Variants in SYNDIG1 observed in about 807,000 individuals in gnomAD.
The protein encoded by SYNDIG1 is synapse differentiation inducing 1.
SYNDIG1 carries 9 observed loss-of-function variants against 19.4 expected under a neutral mutation model. That is an observed-to-expected ratio of 0.46 (90% CI 0.28 to 0.81). SYNDIG1 has a LOEUF of 0.81. Ranked by LOEUF, SYNDIG1 falls within the 30% of genes least tolerant of loss-of-function variation. The pLI, the probability that SYNDIG1 is intolerant of heterozygous loss-of-function variation, is 0.12. For synonymous variants in SYNDIG1, 141 were observed against 145.9 expected (o/e 0.97, Z 0.24); for missense variants, 311 against 343.3 (o/e 0.91, Z 0.74).
rs150975484 is a variant in SYNDIG1 at position 24,627,150 on chromosome 20, G to C, written c.619-38196G>C. ...GGGAGAGGGAGAGGGAGAGGGAGAGGGAGAGCGAGAGCGAGAGCGAGAGCG... is the reference window on the plus strand; with the variant it reads ...GGGAGAGGGAGAGGGAGAGGGAGAGCGAGAGCGAGAGCGAGAGCGAGAGCG... On this transcript the variant is annotated intron_variant, in intron 3 of 3. Coordinates refer to ENST00000376862, the MANE Select transcript of SYNDIG1 (RefSeq NM_024893.3). 3.2e-3 allele frequency among the ~76,000 whole-genome samples: 431 copies of C among 136,490 alleles called. 2 individuals carry two copies. The highest frequency in any genetic ancestry group is 6.8e-3 in the Admixed American group (92 of 13,620). The allele number at this position is 136,490 out of a possible 152,430, so 89.5% of individuals were successfully genotyped here.
At chr20:24,580,000 G>T (rs977974666) in intron 2 of SYNDIG1, among the ~76,000 whole-genome samples, 2 of 152,212 alleles carry the variant, frequency 1.3e-5, no homozygotes, top group African/African-American at 2.4e-5. Context: ...AGGAAAACTG[G>T]GCTAGAACAG....
At chr20:24,508,218 A>ATTTTTTTTTTTTTTTTTTTT (rs34436263) in intron 1 of SYNDIG1, among the ~76,000 whole-genome samples, 1 of 73,208 alleles carries the variant, frequency 1.4e-5, no homozygotes, top group Non-Finnish European at 2.3e-5. Flanking sequence ...AAGGAGGATA[A>ATTTTTTTTTTTTTTTTTTTT]TTTTTTTTTT....
At chr20:24,499,019 T>G (rs2056375318) in intron 1 of SYNDIG1, among the ~76,000 whole-genome samples, 1 of 142,988 alleles carries the variant, frequency 7.0e-6, no homozygotes, top group Admixed American at 6.7e-5. Flanking sequence ...TCTCCTGTTT[T>G]GTTTGTTTGT....
chr20:24,517,136 C>T (rs2056885079), intron 1 of SYNDIG1, among the ~76,000 whole-genome samples: 1 of 151,980 alleles, frequency 6.6e-6, no homozygotes, highest in Non-Finnish European at 1.5e-5. Flanking sequence ...GAACATCACA[C>T]ACTGGGGCCT....
intron 2 of SYNDIG1, among the ~76,000 whole-genome samples, chr20:24,563,127 G>T (rs772181550): frequency 1.1e-4 from 17 of 152,144 alleles, no homozygotes; most frequent in Non-Finnish European, 1.8e-4. Flanking sequence ...CAATAAAAAG[G>T]ATCCTTCAGA....
At chr20:24,491,768 T>C in intron 1 of SYNDIG1, 1 of 152,214 alleles carries the variant, frequency 6.6e-6, no homozygotes, top group East Asian at 1.9e-4. Flanking sequence ...TGGTTATGCT[T>C]GAAGACATTT....
At chr20:24,478,411 C>T (rs1033178789) in intron 1 of SYNDIG1, among the ~76,000 whole-genome samples, 13 of 152,352 alleles carry the variant, frequency 8.5e-5, no homozygotes, top group African/African-American at 2.9e-4. Flanking sequence ...AATGAAGAGA[C>T]CCAGAGGGCT....
intron 3 of SYNDIG1, among the ~76,000 whole-genome samples, chr20:24,661,786 C>T (rs955984913): frequency 2.0e-5 from 3 of 152,054 alleles, no homozygotes; most frequent in African/African-American, 4.8e-5. Context: ...CCACCAGGAG[C>T]GTCAGAAGGA....
At chr20:24,643,548 CT>C (rs1340082600) in intron 3 of SYNDIG1, among the ~76,000 whole-genome samples, 1 of 152,166 alleles carries the variant, frequency 6.6e-6, no homozygotes, top group Non-Finnish European at 1.5e-5. Context: ...GCCATTAGTC[CT>C]GCAGTCTCCA....
At chr20:24,540,158 T>A (rs1242579946) in intron 1 of SYNDIG1, among the ~76,000 whole-genome samples, 1 of 152,214 alleles carries the variant, frequency 6.6e-6, no homozygotes, top group East Asian at 1.9e-4. Flanking sequence ...ATTGTGTTCT[T>A]TTTGTTGCTA....
chr20:24,482,081 A>G (rs1039655815), intron 1 of SYNDIG1, among the ~76,000 whole-genome samples: 5 of 152,364 alleles, frequency 3.3e-5, no homozygotes, highest in Admixed American at 2.6e-4. Flanking sequence ...AAGAAAACAC[A>G]AACAACCTAA....
At chr20:24,625,384 A>ATTTTTTTTTTTTT in intron 3 of SYNDIG1, among the ~76,000 whole-genome samples, 1 of 115,278 alleles carries the variant, frequency 8.7e-6, no homozygotes. Context: ...TGCCTGGGAC[A>ATTTTTTTTTTTTT]TTTTTTTTTT....
At chr20:24,489,765 C>A (rs1448318552) in intron 1 of SYNDIG1, among the ~76,000 whole-genome samples, 1 of 152,254 alleles carries the variant, frequency 6.6e-6, no homozygotes, top group Non-Finnish European at 1.5e-5. Flanking sequence ...GGAGTTGCCA[C>A]TGGGGAGCCA....
intron 3 of SYNDIG1, among the ~76,000 whole-genome samples, chr20:24,613,903 G>A (rs958067771): frequency 6.6e-6 from 1 of 152,220 alleles, no homozygotes; most frequent in Non-Finnish European, 1.5e-5. Flanking sequence ...AGGCCATGCT[G>A]CCTCCCAGGT....
At chr20:24,637,444 C>T (rs1357937257) in intron 3 of SYNDIG1, among the ~76,000 whole-genome samples, 1 of 152,200 alleles carries the variant, frequency 6.6e-6, no homozygotes, top group Non-Finnish European at 1.5e-5. Flanking sequence ...AAAGACAACC[C>T]TCTCATTCAG....
intron 1 of SYNDIG1, among the ~76,000 whole-genome samples, chr20:24,534,721 A>G (rs2057328402): frequency 6.6e-6 from 1 of 152,134 alleles, no homozygotes; most frequent in Admixed American, 6.5e-5. Flanking sequence ...CTAGGTCCCC[A>G]GCTACACCCC....
chr20:24,642,623 C>A (rs146266350), intron 3 of SYNDIG1, among the ~76,000 whole-genome samples: 5 of 152,186 alleles, frequency 3.3e-5, no homozygotes, highest in Middle Eastern at 3.4e-3. Context: ...GTGTCTAATC[C>A]AAAACTACAT....
At chr20:24,560,830 T>C (rs939032935) in intron 2 of SYNDIG1, among the ~76,000 whole-genome samples, 1 of 151,668 alleles carries the variant, frequency 6.6e-6, no homozygotes, top group African/African-American at 2.4e-5. Flanking sequence ...AGGATTCTGA[T>C]TTTTACCCCT....
chr20:24,608,741 G>A (rs8118304), intron 3 of SYNDIG1, among the ~76,000 whole-genome samples: 28,479 of 152,152 alleles, frequency 0.19, 3,562 homozygotes, highest in Admixed American at 0.34. Context: ...CTCTCAGACC[G>A]CCCGATGGCC....
Sources: gnomAD v4.1 joint callset for allele counts (sites outside exome capture counted in the v4.1 genomes callset) on GRCh38, gnomAD v4.1.1 for gene constraint, MANE v1.5 for transcripts, NCBI Gene and HGNC (gene_info 2026-07-23, HGNC 2026-07-21) for gene names.